The following DYNC2I1 variants were observed in gnomAD, a reference collection of about 807,000 sequenced individuals.
DYNC2I1 encodes cytoplasmic dynein 2 intermediate chain 1.
Under a neutral mutation model 133.4 loss-of-function variants are expected in DYNC2I1, and 89 were observed. That is an observed-to-expected ratio of 0.67 (90% CI 0.56 to 0.80). The LOEUF (loss-of-function observed/expected upper bound fraction) is 0.80, where lower values mean the gene tolerates loss of function less well. Among genes scored for constraint, DYNC2I1 ranks in the 30% least tolerant of loss-of-function variants. The probability of loss-of-function intolerance (pLI) is 0.00; values close to 1 mark genes in which losing one functional copy is unlikely to be tolerated. For synonymous variants in DYNC2I1, 504 were observed against 484.3 expected (o/e 1.04, Z -0.54); for missense variants, 1,291 against 1,314.5 (o/e 0.98, Z 0.28).
downstream of DYNC2I1, among the ~76,000 whole-genome samples, chr7:158,957,970 C>T (rs1019838702): frequency 6.6e-6 from 1 of 152,204 alleles, no homozygotes; most frequent in Non-Finnish European, 1.5e-5. Flanking sequence ...CCTCGGCCTT[C>T]CGCTCCGGGG....
At chr7:158,955,535 A>G (rs1382394529) in intron 4 of DYNC2I1, among the ~76,000 whole-genome samples, 2 of 152,284 alleles carry the variant, frequency 1.3e-5, no homozygotes, top group Admixed American at 6.5e-5. Context: ...CTAAGCATCC[A>G]CTTATGAGCA....
chr7:158,914,785 G>T (rs955872365), intron 14 of DYNC2I1, among the ~76,000 whole-genome samples: 19 of 152,106 alleles, frequency 1.2e-4, no homozygotes, highest in Non-Finnish European at 5.9e-5. Context: ...TGTGGGTCTC[G>T]TCTGACCCCC....
chr7:158,857,595 T>C (rs1305156188), intron 1 of DYNC2I1, among the ~76,000 whole-genome samples: 1 of 144,634 alleles, frequency 6.9e-6, no homozygotes, highest in East Asian at 2.1e-4. Flanking sequence ...TGGAATGCAA[T>C]GGCACGAACT....
intron 4 of DYNC2I1, among the ~76,000 whole-genome samples, chr7:158,951,761 G>A (rs975584137): frequency 2.0e-5 from 3 of 152,180 alleles, no homozygotes; most frequent in African/African-American, 4.8e-5. Context: ...AGCTGGCACC[G>A]GTTCTGAGGA....
chr7:158,861,533 G>A (rs569965708), intron 1 of DYNC2I1, among the ~76,000 whole-genome samples: 1 of 152,284 alleles, frequency 6.6e-6, no homozygotes, highest in South Asian at 2.1e-4. Context: ...TCATCTGTCA[G>A]CCAAGTCTAG....
chr7:158,841,713 C>G, the DYNC2I1 span, among the ~76,000 whole-genome samples: 1 of 152,112 alleles, frequency 6.6e-6, no homozygotes, highest in Admixed American at 6.5e-5. Flanking sequence ...ATTTATTCAG[C>G]AAATATGGTG....
At chr7:158,885,495 C>A (rs565203176) in intron 6 of DYNC2I1, among the ~76,000 whole-genome samples, 125 of 152,166 alleles carry the variant, frequency 8.2e-4, no homozygotes, top group African/African-American at 2.9e-3. Flanking sequence ...GCACATACCA[C>A]CACACCCAGC....
chr7:158,848,325 C>T, the DYNC2I1 span, among the ~76,000 whole-genome samples: 1 of 152,070 alleles, frequency 6.6e-6, no homozygotes, highest in African/African-American at 2.4e-5. Flanking sequence ...ATATTCTCCC[C>T]CTGAATATGT....
At chr7:158,864,134 G>A (rs62475645) in intron 1 of DYNC2I1, among the ~76,000 whole-genome samples, 18,994 of 147,024 alleles carry the variant, frequency 0.13, 1,611 homozygotes, top group Middle Eastern at 0.22. Context: ...GGGGGGAGCA[G>A]ACGTTCTTAG....
downstream of DYNC2I1, among the ~76,000 whole-genome samples, chr7:158,958,695 A>G (rs888717350): frequency 6.6e-6 from 1 of 152,234 alleles, no homozygotes; most frequent in Non-Finnish European, 1.5e-5. Flanking sequence ...AACTCCTCCT[A>G]TAACACTTGC....
intron 4 of DYNC2I1, among the ~76,000 whole-genome samples, chr7:158,953,846 G>GTT (rs2094736361): frequency 6.6e-6 from 1 of 151,772 alleles, no homozygotes. Flanking sequence ...TGGCATATAT[G>GTT]TTATATATAT....
At position 158,877,259 on chromosome 7, in the gene DYNC2I1, G is replaced by A. The variant is rs187124370; in HGVS notation, c.573+568G>A. On this transcript the variant is annotated intron_variant, in intron 4 of 24. Coordinates refer to ENST00000407559, the MANE Select transcript of DYNC2I1 (RefSeq NM_018051.5). ...GTTCCGGATTGGTGTTCCGCGGCGC[G>A]GGTGTGTTGGTGCTCTCCAGGCACC... Among the ~76,000 whole-genome samples the A allele has an allele frequency of 1.7e-4, 26 of 149,996 alleles. No individual in the cohort carries two copies. In the East Asian group the frequency reaches 3.0e-3, roughly 17 times the overall value.
chr7:158,884,118 C>T (rs1270906308), intron 5 of DYNC2I1, among the ~76,000 whole-genome samples: 3 of 149,788 alleles, frequency 2.0e-5, no homozygotes, highest in East Asian at 4.0e-4. Context: ...AATCTCTGCT[C>T]ATTGCAAGCT....
intron 24 of DYNC2I1, among the ~76,000 whole-genome samples, chr7:158,944,879 G>A (rs1407720370): frequency 6.6e-6 from 1 of 152,154 alleles, no homozygotes; most frequent in Non-Finnish European, 1.5e-5. Context: ...AGTGTGAGCC[G>A]TAGGCCCAGG....
chr7:158,889,397 T>G (rs1437309820), intron 7 of DYNC2I1, among the ~76,000 whole-genome samples: 2 of 152,124 alleles, frequency 1.3e-5, no homozygotes, highest in Non-Finnish European at 2.9e-5. Context: ...CTGTTTTTCC[T>G]AGTTCATAGT....
chr7:158,859,590 C>A (rs1841691674), intron 1 of DYNC2I1, among the ~76,000 whole-genome samples: 1 of 152,172 alleles, frequency 6.6e-6, no homozygotes, highest in South Asian at 2.1e-4. Context: ...GCAACCGCCA[C>A]CTCCCAGGTT....
At chr7:158,869,491 G>A (rs842695) in intron 1 of DYNC2I1, 75,063 of 474,288 alleles carry the variant, frequency 0.16, 6,681 homozygotes, top group Middle Eastern at 0.25. Flanking sequence ...CATTTGGGAC[G>A]TGAGTCTGTT....
chr7:158,869,446 C>T lies in DYNC2I1; in HGVS notation c.16-409C>T, dbSNP rs76968696. 8.9e-3 allele frequency: 4,215 copies of T among 471,646 alleles called. 198 individuals are homozygous for T. In the East Asian group the frequency reaches 0.13, roughly 15 times the overall value. 29.2% of individuals were successfully genotyped at this position (471,646 alleles called of 1,614,324 possible). A position where few individuals can be genotyped will look rare whatever the true frequency, so the allele number is the denominator to read the frequency against. On this transcript the variant is annotated intron_variant, in intron 1 of 24. Coordinates refer to ENST00000407559, the MANE Select transcript of DYNC2I1 (RefSeq NM_018051.5). Reference sequence around the variant, plus strand: ...TCTGTCCTGGGTTGAGCCCAGCGGCCGCAGAAGGAGCACAGACTCCCTCTG... The same window carrying T: ...TCTGTCCTGGGTTGAGCCCAGCGGCTGCAGAAGGAGCACAGACTCCCTCTG...
intron 4 of DYNC2I1, among the ~76,000 whole-genome samples, chr7:158,953,608 G>A (rs958929619): frequency 2.6e-5 from 4 of 152,136 alleles, no homozygotes; most frequent in African/African-American, 7.2e-5. Flanking sequence ...AGCTGGGGGC[G>A]AATGGTGGCA....
Sources: allele counts gnomAD v4.1 joint callset (sites outside exome capture counted in the v4.1 genomes callset), GRCh38; gene constraint gnomAD v4.1.1; transcripts MANE v1.5; gene names NCBI Gene and HGNC (gene_info 2026-07-23, HGNC 2026-07-21).